The following MYO1H variants were observed in gnomAD, a reference collection of about 807,000 sequenced individuals.
MYO1H encodes unconventional myosin-Ih.
A neutral mutation model predicts 149.3 loss-of-function variants in MYO1H; 118 were observed. The ratio of observed to expected loss-of-function variants is 0.79; its 90% CI spans 0.68 to 0.92. The LOEUF (loss-of-function observed/expected upper bound fraction) is 0.92. MYO1H is among the 40% of genes least tolerant of loss of function. The pLI, the probability that MYO1H is intolerant of heterozygous loss-of-function variation, is 0.00. For missense variants in MYO1H, 1,212 were observed against 1,280.7 expected (o/e 0.95, Z 0.82); for synonymous variants, 447 against 465.2 (o/e 0.96, Z 0.50).
chr12:109,313,613 A>T, the MYO1H span, among the ~76,000 whole-genome samples: 2 of 152,082 alleles, frequency 1.3e-5, no homozygotes, highest in Non-Finnish European at 2.9e-5. Context: ...GAATGCTCTA[A>T]TGTCTTTGCA....
exon 2 of MYO1H, chr12:109,388,789 G>A (rs772248408): frequency 6.2e-7 from 1 of 1,613,194 alleles, no homozygotes; most frequent in Non-Finnish European, 8.5e-7. Flanking sequence ...GCGTACACCA[G>A]CGAATCTGCC....
intron 1 of MYO1H, among the ~76,000 whole-genome samples, chr12:109,381,163 G>T (rs1373311566): frequency 6.6e-6 from 1 of 152,154 alleles, no homozygotes; most frequent in East Asian, 1.9e-4. Flanking sequence ...AGAAAAGACA[G>T]ATTCAAGGTC....
chr12:109,369,443 T>G (rs890861328), intron 1 of MYO1H, among the ~76,000 whole-genome samples: 4 of 151,894 alleles, frequency 2.6e-5, no homozygotes, highest in African/African-American at 9.7e-5. Context: ...CAAGGAAGAG[T>G]GGTAAACCTC....
At chr12:109,318,972 G>GTTTTTTTTTTTTTTTT in the MYO1H span, among the ~76,000 whole-genome samples, 196 of 77,184 alleles carry the variant, frequency 2.5e-3, 2 homozygotes, top group East Asian at 5.2e-3. Context: ...TTTTGGTTTT[G>GTTTTTTTTTTTTTTTT]TTTTTTTTTT....
At chr12:109,333,316 G>A in the MYO1H span, among the ~76,000 whole-genome samples, 1 of 151,756 alleles carries the variant, frequency 6.6e-6, no homozygotes, top group Non-Finnish European at 1.5e-5. Context: ...GTGAAACTCT[G>A]TCTCAAAAAA....
At chr12:109,321,831 A>G in the MYO1H span, among the ~76,000 whole-genome samples, 1 of 152,238 alleles carries the variant, frequency 6.6e-6, no homozygotes, top group Non-Finnish European at 1.5e-5. Flanking sequence ...GAAAATTGTA[A>G]TGCACTTTTG....
chr12:109,310,611 GT>G, the MYO1H span, among the ~76,000 whole-genome samples: 101 of 147,272 alleles, frequency 6.9e-4, no homozygotes, highest in East Asian at 1.8e-3. Flanking sequence ...ACCTGTGACT[GT>G]TTTTTTTTTT....
the MYO1H span, among the ~76,000 whole-genome samples, chr12:109,317,884 T>C: frequency 1.3e-5 from 2 of 152,196 alleles, no homozygotes; most frequent in Non-Finnish European, 2.9e-5. Context: ...AGAGGTGCTG[T>C]GCAACTGGTC....
At chr12:109,447,312 C>A in exon 32 of MYO1H, 1 of 824,078 alleles carries the variant, frequency 1.2e-6, no homozygotes, top group South Asian at 1.4e-5. Flanking sequence ...CAGATCACAT[C>A]TGAAGAAACT....
chr12:109,422,078 C>G (rs1306164973), intron 16 of MYO1H, among the ~76,000 whole-genome samples: 5 of 152,172 alleles, frequency 3.3e-5, no homozygotes, highest in African/African-American at 9.7e-5. Context: ...ACCTCACTCT[C>G]CCAAAGCTGG....
Position 109,388,679 on chromosome 12 carries a change from G to T in MYO1H, c.13-4G>T, listed in dbSNP as rs144546604. The T allele has an allele frequency of 7.1e-6, 11 of 1,550,496 alleles. No homozygotes were observed. The African/African-American group carries it at 1.4e-4, about 19-fold the overall frequency. On this transcript the variant is annotated splice_polypyrimidine_tract_variant and splice_region_variant and intron_variant, in intron 1 of 31. Transcript: ENST00000310903. ...GCTGCTGAAGAATGTTCTATTTCCC[G>T]TAGAAAGAAGACGTGAGGAGGAAAC...
the MYO1H span, among the ~76,000 whole-genome samples, chr12:109,313,339 T>A: frequency 6.6e-6 from 1 of 152,196 alleles, no homozygotes; most frequent in Admixed American, 6.5e-5. Flanking sequence ...TTTCGAATTC[T>A]GGTTTCCTAA....
chr12:109,324,756 AG>A, the MYO1H span, among the ~76,000 whole-genome samples: 3 of 151,114 alleles, frequency 2.0e-5, no homozygotes, highest in South Asian at 4.2e-4. Flanking sequence ...CAGAATGTGC[AG>A]GTTTGTTAAA....
chr12:109,358,907 G>C (rs1018870939), intron 1 of MYO1H, among the ~76,000 whole-genome samples: 3 of 148,798 alleles, frequency 2.0e-5, no homozygotes, highest in Non-Finnish European at 3.0e-5. Flanking sequence ...TTTCCAATAG[G>C]GTTTTGGGCC....
Position 109,375,151 on chromosome 12 carries a change from G to A in MYO1H, c.13-13532G>A, listed in dbSNP as rs566196466. Among the ~76,000 whole-genome samples the A allele has an allele frequency of 2.8e-5, 4 of 142,042 alleles. 1 individual carries two copies. The highest frequency in any genetic ancestry group is 2.1e-4 in the East Asian group (1 of 4,802). 93.2% of individuals were successfully genotyped at this position (142,042 alleles called of 152,430 possible). On this transcript the variant is annotated intron_variant, in intron 1 of 31. Coordinates refer to ENST00000310903, the Ensembl canonical transcript of MYO1H. Reference sequence around the variant, plus strand: ...ATTACAGGCGTAAGCCACCATGCCCGGCGGATTTTTTTTTTTTTTTTGACA... The same window carrying A: ...ATTACAGGCGTAAGCCACCATGCCCAGCGGATTTTTTTTTTTTTTTTGACA...
At chr12:109,397,732 G>T (rs780152183) in exon 5 of MYO1H, 9 of 1,609,284 alleles carry the variant, frequency 5.6e-6, no homozygotes, top group African/African-American at 4.0e-5. Context: ...GTATTCCAAG[G>T]CTTTTGGAAA....
chr12:109,418,736 G>T (rs1462983855), intron 15 of MYO1H, among the ~76,000 whole-genome samples: 1 of 151,920 alleles, frequency 6.6e-6, no homozygotes, highest in Non-Finnish European at 1.5e-5. Flanking sequence ...AGTAGAGACG[G>T]GGTTTCACCA....
At chr12:109,371,744 C>T (rs965860561) in intron 1 of MYO1H, among the ~76,000 whole-genome samples, 4 of 152,158 alleles carry the variant, frequency 2.6e-5, no homozygotes, top group Non-Finnish European at 2.9e-5. Flanking sequence ...TTTCAAATTA[C>T]ATTTCATAAA....
chr12:109,389,438 C>T (rs1033630717), intron 2 of MYO1H, among the ~76,000 whole-genome samples: 2 of 151,984 alleles, frequency 1.3e-5, no homozygotes, highest in Admixed American at 1.3e-4. Context: ...GAGCCCTGGA[C>T]GGTATAGGCA....
Sources: gnomAD v4.1 joint callset for allele counts (sites outside exome capture counted in the v4.1 genomes callset) on GRCh38, gnomAD v4.1.1 for gene constraint, MANE v1.5 for transcripts, NCBI Gene and HGNC (gene_info 2026-07-23, HGNC 2026-07-21) for gene names.